SEMA6A: variants seen among roughly 807,000 people sequenced by gnomAD.
SEMA6A encodes the protein semaphorin 6A, also known as semaphorin-6A.
Under a neutral mutation model 96.8 loss-of-function variants are expected in SEMA6A, and 25 were observed. That is an observed-to-expected ratio of 0.26 (90% confidence interval 0.19 to 0.36). The LOEUF (loss-of-function observed/expected upper bound fraction) is 0.36. Ranked by LOEUF, SEMA6A falls within the 10% of genes least tolerant of loss-of-function variation. SEMA6A has a pLI of 1.00. For synonymous variants in SEMA6A, 612 were observed against 518.0 expected (o/e 1.18, Z -2.46); for missense variants, 1,363 against 1,323.1 (o/e 1.03, Z -0.47).
intron 10 of SEMA6A, among the ~76,000 whole-genome samples, chr5:116,484,254 G>A (rs557636489): frequency 1.3e-5 from 2 of 152,170 alleles, no homozygotes; most frequent in East Asian, 3.9e-4. Context: ...ATTTTCTGAT[G>A]CACCTCGTAA....
At position 116,537,958 on chromosome 5, in the gene SEMA6A, T is replaced by C. The variant is rs185341635; in HGVS notation, c.-38-32976A>G. On this transcript the variant is annotated intron_variant, in intron 1 of 18. Transcript: ENST00000343348. ...TTGGGAGGCCGAGGCGGGCGGATCA[T>C]GAGGTCAGGAGATCAAGACCATCTT... Among the ~76,000 whole-genome samples the C allele has an allele frequency of 7.4e-3, 1,126 of 152,182 alleles. 14 individuals carry two copies. The highest frequency in any genetic ancestry group is 0.025 in the African/African-American group (1,053 of 41,520).
intron 18 of SEMA6A, among the ~76,000 whole-genome samples, chr5:116,464,517 C>T (rs1023325103): frequency 6.6e-6 from 1 of 152,130 alleles, no homozygotes; most frequent in Non-Finnish European, 1.5e-5. Flanking sequence ...TCTCTTCTCA[C>T]GCTTTGTTAG....
At chr5:116,449,525 A>C (rs769664433) in intron 18 of SEMA6A, 12 of 555,246 alleles carry the variant, frequency 2.2e-5, no homozygotes, top group Admixed American at 1.3e-4. Flanking sequence ...AAGCTTTCTC[A>C]TGGGGGTTTT....
rs759521836 is a variant in SEMA6A at position 116,447,851 on chromosome 5, A to G, written c.1895-40T>C. On this transcript the variant is annotated intron_variant, in intron 18 of 18. Transcript: ENST00000343348. ...GCATATGGCGTTAAGAAATGAAAGC[A>G]CACCCCGAGGCTTGTTTTTGCTTGG... The G allele has an allele frequency of 5.4e-6, 8 of 1,487,376 alleles. No homozygotes were observed. In the South Asian group the frequency reaches 8.1e-5, roughly 15 times the overall value. 92.1% of individuals were successfully genotyped at this position (1,487,376 alleles called of 1,614,324 possible). A position where few individuals can be genotyped will look rare whatever the true frequency, so the allele number is the denominator to read the frequency against.
At chr5:116,475,631 CAG>C (rs772551857) in intron 15 of SEMA6A, 28 bp from the exon 16 acceptor site, 22 of 1,535,102 alleles carry the variant, frequency 1.4e-5, no homozygotes, top group Non-Finnish European at 1.3e-5. Context: ...GAAAGAGAGA[CAG>C]AAATGAATAC....
In SEMA6A at chr5:116,447,096, A is replaced by C. The variant is rs772387694; in HGVS notation, c.2610T>G (p.Leu870=). The C allele has an allele frequency of 2.5e-6, 4 of 1,613,860 alleles. No individual in the cohort carries two copies. The South Asian group carries it at 3.3e-5, about 13-fold the overall frequency. ...SSKSPNHGVN[L]VENLDSLPPK... The stretch of plus-strand genomic sequence containing the variant: ...GGGGCAGGCTGTCCAGGTTCTCCAC[A>C]AGGTTCACCCCATGGTTGGGACTCT... Residue 870 remains leucine, a synonymous_variant, in exon 19 of 19, where the codon CTT becomes CTG. Coordinates refer to ENST00000343348, the MANE Select transcript of SEMA6A (RefSeq NM_020796.5).
chr5:116,521,936 C>A (rs1047212192), intron 1 of SEMA6A, among the ~76,000 whole-genome samples: 1 of 152,142 alleles, frequency 6.6e-6, no homozygotes, highest in Non-Finnish European at 1.5e-5. Flanking sequence ...CTTGTTTAGG[C>A]AACATTGTGC....
In SEMA6A at chr5:116,478,077, G is replaced by C. The variant is rs768843624; in HGVS notation, c.1505C>G (p.Ala502Gly). 1 of 1,613,920 alleles carries C rather than the reference G, an allele frequency of 6.2e-7. No individual in the cohort carries two copies. Among genetic ancestry groups the C allele is most frequent in the Non-Finnish European group, 8.5e-7 (1 of 1,179,856 alleles). ...LDRASSSLYV[A>G]FSTCVIKVPL... ...AACCTTTATCACACAGGTAGAGAAC[G>C]CAACATACAGAGAGCTGCTTGCTCT... Residue 502 changes from alanine (A) to glycine (G), a missense_variant, in exon 14 of 19, where the codon GCG becomes GGG. Around this residue, in one of 2 missense-constraint regions of SEMA6A, gnomAD observed 883 missense variants for 763.6 expected, o/e 1.16. Coordinates refer to ENST00000343348, the MANE Select transcript of SEMA6A (RefSeq NM_020796.5).
chr5:116,573,898 T>C (rs551573528), intron 1 of SEMA6A, among the ~76,000 whole-genome samples: 1 of 151,874 alleles, frequency 6.6e-6, no homozygotes, highest in South Asian at 2.1e-4. Flanking sequence ...GGAACAGCCA[T>C]ACGCGCCGTC....
intron 1 of SEMA6A, among the ~76,000 whole-genome samples, chr5:116,533,496 A>G (rs1223989517): frequency 6.6e-6 from 1 of 152,182 alleles, no homozygotes; most frequent in Non-Finnish European, 1.5e-5. Flanking sequence ...GGTTAAACTA[A>G]AAGTTATTTA....
At chr5:116,545,217 C>G (rs559428313) in intron 1 of SEMA6A, among the ~76,000 whole-genome samples, 2 of 152,340 alleles carry the variant, frequency 1.3e-5, no homozygotes, top group Non-Finnish European at 2.9e-5. Flanking sequence ...ATTGTGCGGT[C>G]TGGCTCCAGC....
intron 1 of SEMA6A, among the ~76,000 whole-genome samples, chr5:116,520,286 A>C (rs1456715311): frequency 7.1e-6 from 1 of 141,536 alleles, no homozygotes; most frequent in Admixed American, 7.2e-5. Flanking sequence ...ACTTTATTCT[A>C]CATTTCTGCA....
At chr5:116,549,370 G>C (rs1384308540) in intron 1 of SEMA6A, among the ~76,000 whole-genome samples, 1 of 152,160 alleles carries the variant, frequency 6.6e-6, no homozygotes, top group African/African-American at 2.4e-5. Flanking sequence ...GGAGGATCTT[G>C]ATCATGCTTA....
chr5:116,482,091 T>A (rs1196924204), intron 11 of SEMA6A, among the ~76,000 whole-genome samples: 1 of 152,104 alleles, frequency 6.6e-6, no homozygotes, highest in Non-Finnish European at 1.5e-5. Flanking sequence ...AAAGGAAGCA[T>A]AAAGAAGCAG....
chr5:116,518,956 T>C (rs1758796002), intron 1 of SEMA6A, among the ~76,000 whole-genome samples: 1 of 152,070 alleles, frequency 6.6e-6, no homozygotes, highest in South Asian at 2.1e-4. Flanking sequence ...TCAAACACGG[T>C]ATTTTCCTAC....
At chr5:116,536,925 A>G (rs989686901) in intron 1 of SEMA6A, among the ~76,000 whole-genome samples, 31 of 150,720 alleles carry the variant, frequency 2.1e-4, no homozygotes, top group Non-Finnish European at 3.8e-4. Flanking sequence ...TGCTGTACAA[A>G]GGCAGCACTT....
At position 116,447,293 on chromosome 5, in the gene SEMA6A, G is replaced by C. The variant is rs376028528; in HGVS notation, c.2413C>G (p.Leu805Val). ...GGGATGTGGCTGGGGGAGGCCCGCA[G>C]GGGCAGGTCCGTGGGAATCACAGGG... ...GSPVIPTDLPLRASPSHIPSV... is the reference protein window; with the variant it reads ...GSPVIPTDLPVRASPSHIPSV... The change falls in exon 19 of 19, where the codon CTG becomes GTG. Residue 805 changes from leucine to valine, a missense_variant. Physicochemically the swap from Leu to Val is conservative, Grantham distance 32 (BLOSUM62 1). Coordinates refer to ENST00000343348, the MANE Select transcript of SEMA6A (RefSeq NM_020796.5). 3.1e-6 allele frequency: 5 copies of C among 1,613,816 alleles called. No individual in the cohort carries two copies. Among genetic ancestry groups the C allele is most frequent in the Non-Finnish European group, 4.2e-6 (5 of 1,179,902 alleles).
chr5:116,480,047 A>G (rs1267457091), intron 12 of SEMA6A, 75 bp downstream of exon 12: 19 of 1,534,428 alleles, frequency 1.2e-5, no homozygotes, highest in Non-Finnish European at 1.7e-5. Flanking sequence ...ATTTCAAAGC[A>G]TGATCCACTG....
At chr5:116,561,024 A>G (rs753080033) in intron 1 of SEMA6A, among the ~76,000 whole-genome samples, 2 of 152,154 alleles carry the variant, frequency 1.3e-5, no homozygotes, top group African/African-American at 2.4e-5. Context: ...ACACAGCTAT[A>G]TGGAGGAGCA....
Sources: allele counts gnomAD v4.1 joint callset (sites outside exome capture counted in the v4.1 genomes callset), GRCh38; gene constraint gnomAD v4.1.1; regional missense constraint gnomAD v4.1.1; transcripts MANE v1.5; gene names NCBI Gene and HGNC (gene_info 2026-07-23, HGNC 2026-07-21).